The following ARHGEF10L variants were observed in gnomAD, a reference collection of about 807,000 sequenced individuals.
ARHGEF10L encodes rho guanine nucleotide exchange factor 10-like protein.
Under a neutral mutation model 141.2 loss-of-function variants are expected in ARHGEF10L, and 69 were observed. That is an observed-to-expected ratio of 0.49 (90% CI 0.40 to 0.60). ARHGEF10L has a LOEUF of 0.60. Among genes scored for constraint, ARHGEF10L ranks in the 20% least tolerant of loss-of-function variants. The pLI is 0.00. For synonymous variants in ARHGEF10L, 711 were observed against 718.5 expected (o/e 0.99, Z 0.17); for missense variants, 1,482 against 1,734.3 (o/e 0.85, Z 2.58).
At chr1:17,634,758 A>T (rs2060900300) in intron 17 of ARHGEF10L, 77 bp from the exon 18 acceptor site, 2 of 1,493,306 alleles carry the variant, frequency 1.3e-6, no homozygotes, top group African/African-American at 2.8e-5. Context: ...GCTGGTGTGG[A>T]GGAGCAATGC....
chr1:17,606,454 C>T (rs529737753), intron 6 of ARHGEF10L, among the ~76,000 whole-genome samples: 80 of 151,982 alleles, frequency 5.3e-4, no homozygotes, highest in African/African-American at 1.7e-3. Flanking sequence ...CCACCACACC[C>T]GGCTAGTTTT....
At chr1:17,531,550 CTATT>C in the ARHGEF10L span, among the ~76,000 whole-genome samples, 1 of 152,190 alleles carries the variant, frequency 6.6e-6, no homozygotes, top group African/African-American at 2.4e-5. Context: ...CTCTCTGGGC[CTATT>C]TATTCATAAA....
chr1:17,637,567 C>T (rs148476721), intron 18 of ARHGEF10L, among the ~76,000 whole-genome samples: 9,248 of 151,974 alleles, frequency 0.061, 366 homozygotes, highest in Middle Eastern at 0.16. Flanking sequence ...GGCGTGATCT[C>T]GGCTCACTGC....
Position 17,619,367 on chromosome 1 carries a change from C to T in ARHGEF10L, c.864C>T (p.Leu288=). The stretch of plus-strand genomic sequence containing the variant: ...ACTCGGAGGAGGAGGACATGGGGCT[C>T]CTGGAGGTCAGCGTTTCGGACATCA... ...LGDSEEEDMG[L]LEVSVSDIKP... Residue 288 remains leucine (L), a synonymous_variant, in exon 10 of 29, where the codon CTC becomes CTT. Transcript: ENST00000361221. This position sits in a 1 kb window ranked among gnomAD's most constrained non-coding sequence, Gnocchi z 5.0. The T allele has an allele frequency of 2.5e-6, 4 of 1,613,186 alleles. No individual in the cohort carries two copies. The highest frequency in any genetic ancestry group is 3.4e-6 in the Non-Finnish European group (4 of 1,179,886).
intron 1 of ARHGEF10L, among the ~76,000 whole-genome samples, chr1:17,578,698 T>C (rs781751526): frequency 6.6e-6 from 1 of 152,088 alleles, no homozygotes; most frequent in African/African-American, 2.4e-5. Flanking sequence ...TACCTATCGA[T>C]GGGGGCTATA....
intron 25 of ARHGEF10L, among the ~76,000 whole-genome samples, chr1:17,661,879 G>A (rs2062653227): frequency 6.6e-6 from 1 of 151,288 alleles, no homozygotes; most frequent in African/African-American, 2.5e-5. Flanking sequence ...CAGCTGCAGA[G>A]GCCTTCAGAA....
the ARHGEF10L span, among the ~76,000 whole-genome samples, chr1:17,514,578 T>C: frequency 6.6e-6 from 1 of 152,202 alleles, no homozygotes; most frequent in Non-Finnish European, 1.5e-5. Flanking sequence ...GAGGGTTGTT[T>C]GGGATTGGGC....
In ARHGEF10L at chr1:17,570,636, G is replaced by A. The variant is rs989542782; in HGVS notation, c.-43-9917G>A. On this transcript the variant is annotated intron_variant, in intron 1 of 28. Coordinates refer to ENST00000361221, the MANE Select transcript of ARHGEF10L (RefSeq NM_018125.4). The stretch of plus-strand genomic sequence containing the variant: ...TGAGAAAACATTCCAGGCTCTGAGC[G>A]GAGGATGAACTTGGCCGCTGTGCTG... Among the ~76,000 whole-genome samples, 15 of 152,208 alleles carry A rather than the reference G, an allele frequency of 9.9e-5. No homozygotes were observed. In the East Asian group the frequency reaches 2.3e-3, roughly 24 times the overall value.
At chr1:17,608,638 C>T (rs1386264366) in intron 7 of ARHGEF10L, among the ~76,000 whole-genome samples, 1 of 152,152 alleles carries the variant, frequency 6.6e-6, no homozygotes, top group Non-Finnish European at 1.5e-5. Context: ...CCCATGGCAC[C>T]CATGCTCCTT....
rs901709314 is a variant in ARHGEF10L at position 17,673,345 on chromosome 1, GA to G, written c.3009+8751del. Among the ~76,000 whole-genome samples, 22 of 152,260 alleles carry G rather than the reference GA, an allele frequency of 1.4e-4. 1 individual carries two copies. Among genetic ancestry groups the G allele is most frequent in the Non-Finnish European group, 2.9e-4 (20 of 68,018 alleles). ...TCCCCTCTGAGCCCGGCAGCAGGGA[GA>G]GGGGGAGGGCAGATGCCCAAGGGGC... On this transcript the variant is annotated intron_variant, in intron 26 of 28. Coordinates refer to ENST00000361221, the MANE Select transcript of ARHGEF10L (RefSeq NM_018125.4). The surrounding 1 kb of genome is among the most constrained non-coding windows in gnomAD (Gnocchi z 4.1).
At chr1:17,561,298 G>T (rs139249852) in intron 1 of ARHGEF10L, among the ~76,000 whole-genome samples, 1 of 152,184 alleles carries the variant, frequency 6.6e-6, no homozygotes, top group Non-Finnish European at 1.5e-5. Flanking sequence ...CTGGCAGCCC[G>T]GGAGCAGTCT....
At chr1:17,551,273 T>C (rs968605693) in intron 1 of ARHGEF10L, among the ~76,000 whole-genome samples, 2 of 152,096 alleles carry the variant, frequency 1.3e-5, no homozygotes, top group Non-Finnish European at 2.9e-5. Flanking sequence ...GAGTAAGGTG[T>C]GGCGCCCCTT....
chr1:17,682,443 C>T (rs989644750), intron 26 of ARHGEF10L, among the ~76,000 whole-genome samples: 1 of 152,178 alleles, frequency 6.6e-6, no homozygotes, highest in Non-Finnish European at 1.5e-5. Context: ...TGAGGTTTCC[C>T]TTGCAGATCA....
At chr1:17,630,295 T>C (rs2060606167) in intron 15 of ARHGEF10L, among the ~76,000 whole-genome samples, 1 of 152,252 alleles carries the variant, frequency 6.6e-6, no homozygotes, top group South Asian at 2.1e-4. Context: ...TGCAATATCC[T>C]GGTTTTCTTT....
chr1:17,687,876 G>C (rs2064751176), intron 27 of ARHGEF10L, 129 bp downstream of exon 27: 4 of 1,036,160 alleles, frequency 3.9e-6, no homozygotes, highest in Non-Finnish European at 5.4e-6. Flanking sequence ...TTAATTTGGG[G>C]CACTCCCCAG....
intron 1 of ARHGEF10L, among the ~76,000 whole-genome samples, chr1:17,559,633 T>TG (rs970157744): frequency 3.3e-5 from 5 of 152,158 alleles, no homozygotes; most frequent in African/African-American, 1.2e-4. Context: ...TGGCCATGCC[T>TG]GGGGGTCAGT....
chr1:17,602,106 A>C (rs2100937753), intron 4 of ARHGEF10L, 21 bp from the exon 5 acceptor site: 1 of 1,543,238 alleles, frequency 6.5e-7, no homozygotes, highest in East Asian at 2.4e-5. Context: ...ACACCTCTGC[A>C]GTGCCATCTC....
chr1:17,639,637 G>A lies in ARHGEF10L; in HGVS notation c.2172-565G>A. 2.7e-6 allele frequency: 1 copy of A among 376,194 alleles called. No individual in the cohort carries two copies. The highest frequency in any genetic ancestry group is 2.0e-5 in the South Asian group (1 of 50,386). 23.3% of individuals were successfully genotyped at this position (376,194 alleles called of 1,614,324 possible). ...GCCCTGCCCACCTCCCAAAGGGCTG[G>A]GAAGGCCCCCACTGCTCTGAGGTGA... is the stretch of plus-strand genomic sequence containing the variant. On this transcript the variant is annotated intron_variant, in intron 20 of 28. Transcript: ENST00000361221. The surrounding 1 kb of genome is among the most constrained non-coding windows in gnomAD (Gnocchi z 4.3).
Position 17,625,935 on chromosome 1 carries a change from AC to A in ARHGEF10L, c.1318-20del, listed in dbSNP as rs780331994. 6.2e-7 allele frequency: 1 copy of A among 1,611,918 alleles called. No individual in the cohort carries two copies. The highest frequency in any genetic ancestry group is 1.1e-5 in the South Asian group (1 of 90,996). On this transcript the variant is annotated intron_variant, in intron 13 of 28. Transcript: ENST00000361221. This position sits in a 1 kb window ranked among gnomAD's most constrained non-coding sequence, Gnocchi z 4.5. ...CCTCTCTGCAGGGGGTCAGCGAATG[AC>A]GGAACCTTGTCTCCACCAGCGACGG... is the stretch of plus-strand genomic sequence containing the variant.
Sources: allele counts gnomAD v4.1 joint callset (sites outside exome capture counted in the v4.1 genomes callset), GRCh38; gene constraint gnomAD v4.1.1; non-coding constraint Gnocchi (gnomAD v3.1); transcripts MANE v1.5; gene names NCBI Gene and HGNC (gene_info 2026-07-23, HGNC 2026-07-21).